Variants in DPF3 observed in about 807,000 individuals in gnomAD.
The protein encoded by DPF3 is zinc finger protein DPF3.
Under a neutral mutation model 56.8 loss-of-function variants are expected in DPF3, and 18 were observed. The ratio of observed to expected loss-of-function variants is 0.32; its 90% CI spans 0.22 to 0.47. DPF3 has a LOEUF of 0.47. Among genes scored for constraint, DPF3 ranks in the 20% least tolerant of loss-of-function variants. DPF3 has a pLI of 1.00. For missense variants in DPF3, 403 were observed against 488.8 expected (o/e 0.82, Z 1.65); for synonymous variants, 188 against 180.2 (o/e 1.04, Z -0.35).
intron 7 of DPF3, among the ~76,000 whole-genome samples, chr14:72,683,791 A>T (rs541085556): frequency 6.6e-6 from 1 of 152,292 alleles, no homozygotes; most frequent in South Asian, 2.1e-4. Context: ...ACAGCCTGAG[A>T]TTCTACATGT....
In DPF3 at chr14:72,840,018, T is replaced by C. The variant is rs190302151; in HGVS notation, c.32+54039A>G. On this transcript the variant is annotated intron_variant, in intron 1 of 10. Coordinates refer to ENST00000556509, the MANE Select transcript of DPF3 (RefSeq NM_001280542.3). ...TGTGTGGTCTTGAGTGACTTGCCCT[T>C]GTTTTTCCTCATCCATAAAATAGGG... Among the ~76,000 whole-genome samples the C allele has an allele frequency of 5.1e-4, 77 of 152,346 alleles. 1 individual carries two copies. The highest frequency in any genetic ancestry group is 1.7e-3 in the African/African-American group (72 of 41,576).
intron 1 of DPF3, among the ~76,000 whole-genome samples, chr14:72,780,234 G>T (rs1599434283): frequency 6.6e-6 from 1 of 152,150 alleles, no homozygotes; most frequent in South Asian, 2.1e-4. Flanking sequence ...TCAAGAGCTG[G>T]CTGAAAACTT....
chr14:72,833,052 G>T (rs1056871482), intron 1 of DPF3, among the ~76,000 whole-genome samples: 5 of 152,240 alleles, frequency 3.3e-5, no homozygotes, highest in Non-Finnish European at 4.4e-5. Context: ...AAAACAAGGA[G>T]TCACTGAAGG....
rs930039503 is a variant in DPF3 at position 72,798,419 on chromosome 14, A to AACAT, written c.33-26530_33-26527dup. ...TCTGTATCCCAGTAGCCATATTTTC[A>AACAT]ACATACATACATACATACATGTATG... On this transcript the variant is annotated intron_variant, in intron 1 of 10. Transcript: ENST00000556509. Among the ~76,000 whole-genome samples, 6 of 152,020 alleles carry AACAT rather than the reference A, an allele frequency of 3.9e-5. 1 individual carries two copies. In the South Asian group the frequency reaches 8.3e-4, roughly 21 times the overall value.
chr14:72,676,385 T>G (rs2153570987), intron 7 of DPF3, among the ~76,000 whole-genome samples: 1 of 152,336 alleles, frequency 6.6e-6, no homozygotes, highest in South Asian at 2.1e-4. Flanking sequence ...TTCCTCCCCA[T>G]TCACAAGATC....
chr14:72,609,698 G>C lies in DPF3; in HGVS notation c.*9599C>G, dbSNP rs1488092549. 6.6e-6 allele frequency among the ~76,000 whole-genome samples: 1 copy of C among 152,226 alleles called. No homozygotes were observed. The highest frequency in any genetic ancestry group is 2.4e-5 in the African/African-American group (1 of 41,454). On this transcript the variant is annotated 3_prime_UTR_variant, in exon 11 of 11. Coordinates refer to ENST00000556509, the MANE Select transcript of DPF3 (RefSeq NM_001280542.3). ...CCGCAACCACATCACAGTGAAGGAG[G>C]AGGACAGCTAACGGGGTGGGAGGTG... is the stretch of plus-strand genomic sequence containing the variant.
rs116749186 is a variant in DPF3 at position 72,837,949 on chromosome 14, C to A, written c.32+56108G>T. On this transcript the variant is annotated intron_variant, in intron 1 of 10. Transcript: ENST00000556509. ...CCAGATCCTTGAGTGAAGACCCCAG[C>A]CTGCTGCAAGCTTTTTCCTCATTCT... is the stretch of plus-strand genomic sequence containing the variant. Among the ~76,000 whole-genome samples the A allele has an allele frequency of 8.4e-3, 1,274 of 152,264 alleles. 12 individuals carry two copies. The highest frequency in any genetic ancestry group is 0.029 in the African/African-American group (1,208 of 41,540).
At chr14:72,766,715 G>C (rs150175197) in intron 2 of DPF3, among the ~76,000 whole-genome samples, 15 of 152,326 alleles carry the variant, frequency 9.8e-5, no homozygotes, top group Admixed American at 3.3e-4. Context: ...GCCTCCCAAA[G>C]TGCTGGGATT....
At chr14:72,798,126 C>T (rs538313627) in intron 1 of DPF3, among the ~76,000 whole-genome samples, 2 of 151,750 alleles carry the variant, frequency 1.3e-5, no homozygotes, top group Non-Finnish European at 2.9e-5. Context: ...TGGTGGCAGG[C>T]GCCTGTAATC....
chr14:72,771,338 G>A (rs1400391839), intron 2 of DPF3, among the ~76,000 whole-genome samples: 1 of 152,110 alleles, frequency 6.6e-6, no homozygotes, highest in African/African-American at 2.4e-5. Context: ...GAACCTGAGG[G>A]ACAGAAGTTT....
intron 3 of DPF3, among the ~76,000 whole-genome samples, chr14:72,743,880 G>T (rs143187771): frequency 6.6e-6 from 1 of 152,198 alleles, no homozygotes. Flanking sequence ...CCTTGCATTC[G>T]CCTCTGTGGC....
intron 6 of DPF3, among the ~76,000 whole-genome samples, chr14:72,701,606 G>C (rs1213166538): frequency 6.6e-6 from 1 of 152,216 alleles, no homozygotes; most frequent in African/African-American, 2.4e-5. Flanking sequence ...CAAAGCCGCT[G>C]CAGCAGACAG....
intron 1 of DPF3, among the ~76,000 whole-genome samples, chr14:72,889,042 G>A (rs544470788): frequency 2.6e-5 from 4 of 152,292 alleles, no homozygotes; most frequent in Admixed American, 6.5e-5. Context: ...AGATGGCTCT[G>A]AAACAGCTTT....
chr14:72,809,731 A>T (rs1882953748), intron 1 of DPF3, among the ~76,000 whole-genome samples: 1 of 152,148 alleles, frequency 6.6e-6, no homozygotes, highest in Non-Finnish European at 1.5e-5. Context: ...ATGATTCCAT[A>T]GATCAGGAGG....
intron 1 of DPF3, among the ~76,000 whole-genome samples, chr14:72,864,086 G>A (rs1885563806): frequency 6.6e-6 from 1 of 152,152 alleles, no homozygotes; most frequent in South Asian, 2.1e-4. Context: ...CCTCTGGTAA[G>A]TGCGCCCTGG....
In DPF3 at chr14:72,796,806, T is replaced by C. The variant is rs150332579; in HGVS notation, c.33-24913A>G. On this transcript the variant is annotated intron_variant, in intron 1 of 10. Coordinates refer to ENST00000556509, the MANE Select transcript of DPF3 (RefSeq NM_001280542.3). ...TGGTAAATGCAAGCTACAACTATCA[T>C]TGTCGATAGTTGAGTCTGGAATCAC... is the stretch of plus-strand genomic sequence containing the variant. Among the ~76,000 whole-genome samples, 520 of 152,248 alleles carry C rather than the reference T, an allele frequency of 3.4e-3. 4 individuals carry two copies. Among genetic ancestry groups the C allele is most frequent in the African/African-American group, 0.012 (491 of 41,546 alleles).
At chr14:72,653,839 G>C (rs1885989551) in intron 8 of DPF3, among the ~76,000 whole-genome samples, 1 of 152,136 alleles carries the variant, frequency 6.6e-6, no homozygotes, top group South Asian at 2.1e-4. Context: ...CCATGGAATT[G>C]ACACTCAGCA....
intron 1 of DPF3, among the ~76,000 whole-genome samples, chr14:72,864,214 C>T (rs912987062): frequency 1.3e-5 from 2 of 151,466 alleles, no homozygotes; most frequent in Non-Finnish European, 2.9e-5. Flanking sequence ...GCTCCCTCTT[C>T]ATGGACTGCT....
At position 72,666,376 on chromosome 14, in the gene DPF3, C is replaced by T. The variant is rs1886445557; in HGVS notation, c.871+7864G>A. On this transcript the variant is annotated intron_variant, in intron 8 of 10. Transcript: ENST00000556509. Reference sequence around the variant, plus strand: ...TTTTCTTTTACAGAATCAAATACCTCCTTTTCATCCAATAAATTCTTGAAT... The same window carrying T: ...TTTTCTTTTACAGAATCAAATACCTTCTTTTCATCCAATAAATTCTTGAAT... Among the ~76,000 whole-genome samples the T allele has an allele frequency of 2.6e-5, 4 of 152,186 alleles. No homozygotes were observed. The South Asian group carries it at 6.2e-4, about 24-fold the overall frequency.
Sources: gnomAD v4.1 joint callset for allele counts (sites outside exome capture counted in the v4.1 genomes callset) on GRCh38, gnomAD v4.1.1 for gene constraint, MANE v1.5 for transcripts, NCBI Gene and HGNC (gene_info 2026-07-23, HGNC 2026-07-21) for gene names.